The following MYRIP variants were observed in gnomAD, a reference collection of about 807,000 sequenced individuals.
MYRIP encodes the protein rab effector MyRIP.
Under a neutral mutation model 98.0 loss-of-function variants are expected in MYRIP, and 49 were observed. The ratio of observed to expected loss-of-function variants is 0.50; its 90% CI spans 0.40 to 0.63. The LOEUF is 0.63. MYRIP is among the 30% of genes least tolerant of loss of function. MYRIP has a pLI of 0.00. For synonymous variants in MYRIP, 404 were observed against 409.5 expected, an observed-to-expected ratio of 0.99 and a Z score of 0.16; for missense variants, 1,004 against 1,058.2, an observed-to-expected ratio of 0.95 and a Z score of 0.71.
chr3:40,195,021 T>A (rs1951349099), intron 10 of MYRIP, among the ~76,000 whole-genome samples: 1 of 152,220 alleles, frequency 6.6e-6, no homozygotes, highest in African/African-American at 2.4e-5. Context: ...TCCTATAATG[T>A]ATACTTATTT....
At chr3:40,028,693 A>C (rs1322374439) in intron 2 of MYRIP, among the ~76,000 whole-genome samples, 1 of 152,186 alleles carries the variant, frequency 6.6e-6, no homozygotes, top group African/African-American at 2.4e-5. Context: ...CATGTAGCTG[A>C]CCATTTGAAG....
chr3:39,844,780 T>C (rs936826828), intron 1 of MYRIP, among the ~76,000 whole-genome samples: 17 of 152,196 alleles, frequency 1.1e-4, no homozygotes, highest in African/African-American at 4.1e-4. Context: ...CTATGAGCAT[T>C]TGTGGTACTT....
chr3:40,212,527 G>A (rs972262125), intron 11 of MYRIP, among the ~76,000 whole-genome samples: 3 of 152,076 alleles, frequency 2.0e-5, no homozygotes, highest in Non-Finnish European at 4.4e-5. Context: ...CCAGCACTTT[G>A]GGAGGCCAAG....
At chr3:40,027,954 TA>T (rs1947173063) in intron 2 of MYRIP, among the ~76,000 whole-genome samples, 1 of 151,952 alleles carries the variant, frequency 6.6e-6, no homozygotes, top group African/African-American at 2.4e-5. Context: ...TGAGTCACCC[TA>T]GGGGGTCAGG....
chr3:40,114,285 C>T (rs6790018), intron 3 of MYRIP, among the ~76,000 whole-genome samples: 35,150 of 152,054 alleles, frequency 0.23, 4,430 homozygotes, highest in East Asian at 0.36. Context: ...AGTACAATTA[C>T]GTGCTGTACA....
At chr3:40,104,094 A>G (rs1486130103) in intron 3 of MYRIP, among the ~76,000 whole-genome samples, 3 of 152,212 alleles carry the variant, frequency 2.0e-5, no homozygotes, top group African/African-American at 7.2e-5. Context: ...CTTGATGCAT[A>G]CCACCAAGTC....
At chr3:39,977,022 GTACCC>G (rs1228414305) in intron 2 of MYRIP, among the ~76,000 whole-genome samples, 3 of 151,686 alleles carry the variant, frequency 2.0e-5, no homozygotes, top group Non-Finnish European at 4.4e-5. Context: ...TTGTGCACAT[GTACCC>G]TAAAACTGAA....
chr3:40,192,308 T>TAATATATATATGA lies in MYRIP; in HGVS notation c.1665+1845_1665+1846insAATATATATATGA, dbSNP rs1951237468. On this transcript the variant is annotated intron_variant, in intron 10 of 16. Transcript: ENST00000302541. Reference sequence around the variant, plus strand: ...CATTTACTGCGGCAGTTAGTTTTCTTCATATATATATATATATGTCATATA... The same window carrying TAATATATATATGA: ...CATTTACTGCGGCAGTTAGTTTTCTTAATATATATATGACATATATATATATATATGTCATATA... Among the ~76,000 whole-genome samples the TAATATATATATGA allele has an allele frequency of 6.9e-5, 3 of 43,288 alleles. 1 individual carries two copies. Among genetic ancestry groups the TAATATATATATGA allele is most frequent in the Non-Finnish European group, 1.5e-4 (2 of 13,610 alleles). The allele number at this position is 43,288 out of a possible 152,430, so 28.4% of individuals were successfully genotyped here.
At chr3:40,150,889 T>C (rs932057142) in intron 3 of MYRIP, among the ~76,000 whole-genome samples, 159 bp from the exon 4 acceptor site, 1 of 152,208 alleles carries the variant, frequency 6.6e-6, no homozygotes, top group Non-Finnish European at 1.5e-5. Context: ...AACATCACTT[T>C]CACTATTTTC....
rs1298474030 is a variant in MYRIP at position 40,204,199 on chromosome 3, A to T, written c.1666-5655A>T. Among the ~76,000 whole-genome samples, 2 of 33,110 alleles carry T rather than the reference A, an allele frequency of 6.0e-5. 1 individual carries two copies. Among genetic ancestry groups the T allele is most frequent in the African/African-American group, 1.9e-4 (2 of 10,696 alleles). The allele number at this position is 33,110 out of a possible 152,430, so 21.7% of individuals were successfully genotyped here. A position where few individuals can be genotyped will look rare whatever the true frequency, so the allele number is the denominator to read the frequency against. The stretch of plus-strand genomic sequence containing the variant: ...ATATTATATAATATATAAATATTAT[A>T]TTATATATTTATATATTATATATAA... On this transcript the variant is annotated intron_variant, in intron 10 of 16. Transcript: ENST00000302541.
intron 1 of MYRIP, among the ~76,000 whole-genome samples, chr3:39,855,628 C>T (rs1942263865): frequency 6.6e-6 from 1 of 151,964 alleles, no homozygotes; most frequent in Non-Finnish European, 1.5e-5. Flanking sequence ...AGGCTGGTAG[C>T]TGGTAGCAGG....
chr3:39,940,695 A>G (rs1291212313), intron 2 of MYRIP, among the ~76,000 whole-genome samples: 1 of 152,154 alleles, frequency 6.6e-6, no homozygotes, highest in Non-Finnish European at 1.5e-5. Flanking sequence ...GACATTATTC[A>G]TTATTTGCAC....
chr3:40,189,110 G>T (rs1951123619), intron 9 of MYRIP, among the ~76,000 whole-genome samples: 1 of 152,186 alleles, frequency 6.6e-6, no homozygotes, highest in African/African-American at 2.4e-5. Context: ...CTATAGCCCA[G>T]AGCTGCCTTG....
At chr3:40,026,979 T>A (rs1301788798) in intron 2 of MYRIP, among the ~76,000 whole-genome samples, 3 of 152,130 alleles carry the variant, frequency 2.0e-5, no homozygotes, top group Non-Finnish European at 2.9e-5. Context: ...GGCTCATCCA[T>A]TCCCCTATGT....
At chr3:39,941,685 C>T (rs1479332558) in intron 2 of MYRIP, among the ~76,000 whole-genome samples, 3 of 152,030 alleles carry the variant, frequency 2.0e-5, no homozygotes, top group African/African-American at 7.2e-5. Context: ...GCATACATTA[C>T]ATCACATCAC....
At chr3:40,111,222 G>C (rs1221432297) in intron 3 of MYRIP, among the ~76,000 whole-genome samples, 3 of 152,162 alleles carry the variant, frequency 2.0e-5, no homozygotes, top group African/African-American at 7.2e-5. Flanking sequence ...GGAGGAAGTT[G>C]TTTAGCAGAA....
chr3:40,130,680 T>A (rs2125918058), intron 3 of MYRIP, among the ~76,000 whole-genome samples: 1 of 152,142 alleles, frequency 6.6e-6, no homozygotes, highest in South Asian at 2.1e-4. Context: ...GCGCCCGGCC[T>A]CTAGTCCAAA....
At chr3:39,892,303 T>C (rs1943508498) in intron 1 of MYRIP, among the ~76,000 whole-genome samples, 1 of 151,834 alleles carries the variant, frequency 6.6e-6, no homozygotes, top group Non-Finnish European at 1.5e-5. Flanking sequence ...ACTGAAACAA[T>C]AGAGGTGGAA....
At chr3:40,192,624 A>G (rs1002917655) in intron 10 of MYRIP, among the ~76,000 whole-genome samples, 3 of 152,028 alleles carry the variant, frequency 2.0e-5, no homozygotes, top group African/African-American at 7.2e-5. Flanking sequence ...GCTTTCTCCT[A>G]ACAGTAAGTG....
Sources: gnomAD v4.1 joint callset for allele counts (sites outside exome capture counted in the v4.1 genomes callset) on GRCh38, gnomAD v4.1.1 for gene constraint, MANE v1.5 for transcripts, NCBI Gene and HGNC (gene_info 2026-07-23, HGNC 2026-07-21) for gene names.